The following PLA2G10 variants were observed in gnomAD, a reference collection of about 807,000 sequenced individuals.
PLA2G10 encodes the protein phospholipase A2 group X.
In PLA2G10, 9 loss-of-function variants were observed where a neutral mutation model predicts 7.9. That is an observed-to-expected ratio of 1.14 (90% confidence interval 0.68 to 1.98). The LOEUF is 1.98. PLA2G10 is among the 30% of genes most tolerant of loss of function. The pLI, the probability that PLA2G10 is intolerant of heterozygous loss-of-function variation, is 0.00. For synonymous variants in PLA2G10, 19 were observed against 27.5 expected (o/e 0.69, Z 0.97); for missense variants, 53 against 65.4 (o/e 0.81, Z 0.66).
chr16:14,675,098 G>A (rs573469529), intron 3 of PLA2G10, among the ~76,000 whole-genome samples: 2 of 151,764 alleles, frequency 1.3e-5, no homozygotes, highest in South Asian at 4.2e-4. Flanking sequence ...TTGAACCCGG[G>A]AGGAGGAGGT....
rs138302662 is a variant in PLA2G10 at position 14,684,750 on chromosome 16, A to G, written c.355+3415T>C. ...GCCAAGAGGATAGTTTGAGCCCAGG[A>G]GTTTGAGGCTGCAGTGAGCCATGAT... On this transcript the variant is annotated intron_variant, in intron 3 of 3. Transcript: ENST00000438167. Among the ~76,000 whole-genome samples the G allele has an allele frequency of 2.6e-5, 4 of 152,264 alleles. No homozygotes were observed. The East Asian group carries it at 5.8e-4, about 22-fold the overall frequency.
At chr16:14,686,533 G>A (rs1489949368) in intron 3 of PLA2G10, among the ~76,000 whole-genome samples, 1 of 152,078 alleles carries the variant, frequency 6.6e-6, no homozygotes, top group African/African-American at 2.4e-5. Context: ...GTTTGAGATA[G>A]AGTTTCACTC....
chr16:14,683,228 CTTTTTTTGTTTT>C (rs1310996186), intron 3 of PLA2G10, among the ~76,000 whole-genome samples: 2 of 147,986 alleles, frequency 1.4e-5, no homozygotes, highest in Non-Finnish European at 3.0e-5. Context: ...CTTTTTCTTT[CTTTTTTTGTTTT>C]TTTTTTTTTT....
intron 3 of PLA2G10, among the ~76,000 whole-genome samples, chr16:14,681,282 C>A (rs74466256): frequency 1.7e-4 from 26 of 152,194 alleles, no homozygotes; most frequent in African/African-American, 6.3e-4. Flanking sequence ...ACAACCCCAG[C>A]AACTCTGGTC....
chr16:14,673,819 G>A (rs959770579), intron 3 of PLA2G10, among the ~76,000 whole-genome samples: 3 of 152,034 alleles, frequency 2.0e-5, no homozygotes, highest in Non-Finnish European at 4.4e-5. Context: ...ATTCCCCCAA[G>A]AGCTGGAACA....
intron 3 of PLA2G10, among the ~76,000 whole-genome samples, chr16:14,686,943 TA>T (rs1242935670): frequency 2.6e-5 from 4 of 152,034 alleles, no homozygotes; most frequent in African/African-American, 7.2e-5. Flanking sequence ...TCATCTCTAC[TA>T]AAAATACAAA....
Position 14,672,720 on chromosome 16 carries a change from A to G in PLA2G10, c.385T>C (p.Leu129=). ...GPAENKCQEL[L]CKCDQEIANC... ...GCAATCTCCTGGTCACACTTGCACA[A>G]CAGTTCTTGGCATTTGTTCTCTGCC... is the stretch of plus-strand genomic sequence containing the variant. The change falls in exon 4 of 4, where the codon TTG becomes CTG. Residue 129 remains leucine, a synonymous_variant. Transcript: ENST00000438167. 6.2e-7 allele frequency: 1 copy of G among 1,614,018 alleles called. No individual in the cohort carries two copies. Among genetic ancestry groups the G allele is most frequent in the Non-Finnish European group, 8.5e-7 (1 of 1,179,930 alleles).
intron 3 of PLA2G10, among the ~76,000 whole-genome samples, chr16:14,676,548 G>A (rs1454852886): frequency 3.3e-5 from 5 of 152,018 alleles, no homozygotes; most frequent in Admixed American, 2.0e-4. Context: ...GCGTGGTGGC[G>A]CATGCCTGTA....
intron 3 of PLA2G10, among the ~76,000 whole-genome samples, chr16:14,674,235 A>G (rs1055688937): frequency 6.6e-6 from 1 of 152,242 alleles, no homozygotes; most frequent in Non-Finnish European, 1.5e-5. Context: ...GAAATCATAG[A>G]TGACACAAAC....
intron 3 of PLA2G10, among the ~76,000 whole-genome samples, chr16:14,681,938 A>T (rs1478067261): frequency 6.6e-6 from 1 of 151,928 alleles, no homozygotes; most frequent in Non-Finnish European, 1.5e-5. Flanking sequence ...CTCATCACCC[A>T]CACCAGAAGG....
chr16:14,686,046 G>T (rs949632976), intron 3 of PLA2G10, among the ~76,000 whole-genome samples: 2 of 135,792 alleles, frequency 1.5e-5, no homozygotes, highest in African/African-American at 5.6e-5. Flanking sequence ...AGGCTGAAGT[G>T]CAGTGGTGCA....
chr16:14,680,714 C>T (rs1960866172), intron 3 of PLA2G10, among the ~76,000 whole-genome samples: 1 of 152,140 alleles, frequency 6.6e-6, no homozygotes, highest in South Asian at 2.1e-4. Context: ...AATTCACCTG[C>T]TTTATCTCTC....
In PLA2G10 at chr16:14,688,181, A is replaced by G. The variant is rs2151856505; in HGVS notation, c.339T>C (p.Asn113=). ...GGGACTCACCGCACAGGACGCTCTG[A>G]TTGACGCACTGCCAGGAGTAGCGCT... is the stretch of plus-strand genomic sequence containing the variant. The part of the protein sequence containing the change: ...KTERYSWQCV[N]QSVLCGPAEN... The change falls in exon 3 of 4, where the codon AAT becomes AAC. Residue 113 remains asparagine (N), a synonymous_variant. Transcript: ENST00000438167. 1 of 494,432 alleles carries G rather than the reference A, an allele frequency of 2.0e-6. No individual in the cohort carries two copies. The highest frequency in any genetic ancestry group is 2.2e-5 in the African/African-American group (1 of 45,492). The allele number at this position is 494,432 out of a possible 1,614,324, so 30.6% of individuals were successfully genotyped here.
intron 3 of PLA2G10, among the ~76,000 whole-genome samples, chr16:14,680,539 C>T (rs905922187): frequency 1.2e-4 from 18 of 151,990 alleles, no homozygotes; most frequent in African/African-American, 3.9e-4. Context: ...TACAGGCATG[C>T]GCTACTATGC....
intron 3 of PLA2G10, among the ~76,000 whole-genome samples, chr16:14,677,701 A>G (rs2151850005): frequency 6.6e-6 from 1 of 152,148 alleles, no homozygotes; most frequent in Admixed American, 6.6e-5. Context: ...ATTCCCCTCA[A>G]GCAGGCACTC....
chr16:14,675,476 C>T (rs1419460627), intron 3 of PLA2G10, among the ~76,000 whole-genome samples: 1 of 152,036 alleles, frequency 6.6e-6, no homozygotes, highest in Non-Finnish European at 1.5e-5. Flanking sequence ...ATAAATAGGA[C>T]TTAATTAAAC....
intron 3 of PLA2G10, among the ~76,000 whole-genome samples, chr16:14,684,337 CAAAAAAAAAAAAAAA>C (rs71373100): frequency 5.0e-5 from 2 of 39,784 alleles, no homozygotes; most frequent in African/African-American, 2.2e-4. Flanking sequence ...GACTCCATCT[CAAAAAAAAAAAAAAA>C]AAAAAAAAAG....
At chr16:14,677,390 C>T (rs1186439627) in intron 3 of PLA2G10, among the ~76,000 whole-genome samples, 6 of 151,976 alleles carry the variant, frequency 3.9e-5, no homozygotes, top group East Asian at 3.9e-4. Context: ...TTTTTTGAGA[C>T]GGAGTTTCAC....
intron 3 of PLA2G10, among the ~76,000 whole-genome samples, chr16:14,681,204 GGAGAGA>G (rs151258484): frequency 6.7e-6 from 1 of 149,874 alleles, no homozygotes; most frequent in Non-Finnish European, 1.5e-5. Flanking sequence ...GGGGGAGGGG[GGAGAGA>G]GAGAGAGGAG....
Sources: gnomAD v4.1 joint callset for allele counts (sites outside exome capture counted in the v4.1 genomes callset) on GRCh38, gnomAD v4.1.1 for gene constraint, MANE v1.5 for transcripts, NCBI Gene and HGNC (gene_info 2026-07-23, HGNC 2026-07-21) for gene names.